HPS3: variants seen among roughly 807,000 people sequenced by gnomAD.
The protein encoded by HPS3 is HPS3 biogenesis of lysosomal organelles complex 2 subunit 1.
A neutral mutation model predicts 110.9 loss-of-function variants in HPS3; 79 were observed. The ratio of observed to expected loss-of-function variants is 0.71; its 90% CI spans 0.59 to 0.86. The LOEUF is 0.86. Ranked by LOEUF, HPS3 falls within the 40% of genes least tolerant of loss-of-function variation. The pLI, the probability that HPS3 is intolerant of heterozygous loss-of-function variation, is 0.00. For missense variants in HPS3, 1,197 were observed against 1,206.2 expected (o/e 0.99, Z 0.11); for synonymous variants, 428 against 451.0 (o/e 0.95, Z 0.65).
At chr3:149,154,671 C>T (rs2108154420) in intron 7 of HPS3, among the ~76,000 whole-genome samples, 1 of 152,284 alleles carries the variant, frequency 6.6e-6, no homozygotes, top group South Asian at 2.1e-4. Context: ...GCAGACTTAA[C>T]AGTTTTATGT....
chr3:149,151,206 T>TTATTATTA (rs576903844), intron 6 of HPS3, among the ~76,000 whole-genome samples: 8 of 140,604 alleles, frequency 5.7e-5, no homozygotes, highest in Non-Finnish European at 8.0e-5. Flanking sequence ...TATTATTATT[T>TTATTATTA]TTTTTTCTGC....
intron 5 of HPS3, among the ~76,000 whole-genome samples, chr3:149,149,120 A>AT (rs777091621): frequency 0.01 from 1,433 of 136,526 alleles, 8 homozygotes; most frequent in African/African-American, 0.021. Context: ...CGCCCAGCTA[A>AT]TTTTTTTTTT....
At chr3:149,166,778 C>T (rs1379907571) in intron 14 of HPS3, among the ~76,000 whole-genome samples, 2 of 152,022 alleles carry the variant, frequency 1.3e-5, no homozygotes, top group Non-Finnish European at 2.9e-5. Flanking sequence ...AATTTGCAGT[C>T]CACACAAAGC....
intron 5 of HPS3, among the ~76,000 whole-genome samples, chr3:149,146,524 G>A (rs1199641115): frequency 6.6e-6 from 1 of 152,200 alleles, no homozygotes; most frequent in African/African-American, 2.4e-5. Flanking sequence ...ACTGTATCAA[G>A]TTTTTAGGAA....
chr3:149,166,511 G>A (rs1724430889), intron 14 of HPS3, among the ~76,000 whole-genome samples: 1 of 152,050 alleles, frequency 6.6e-6, no homozygotes, highest in Non-Finnish European at 1.5e-5. Context: ...ATTTTGTATT[G>A]AAATTTTTTT....
In HPS3 at chr3:149,156,457, C is replaced by T. The variant is rs187309799; in HGVS notation, c.1510-893C>T. ...TTTAACTATGATGTCTCTTTAGCCT[C>T]CTTTGAAGCTGGAATATTTCTATAG... On this transcript the variant is annotated intron_variant, in intron 8 of 16. Transcript: ENST00000296051. Among the ~76,000 whole-genome samples the T allele has an allele frequency of 7.9e-5, 12 of 152,190 alleles. No homozygotes were observed. The East Asian group carries it at 2.3e-3, about 29-fold the overall frequency.
At chr3:149,145,854 GTC>G (rs1306012987) in intron 5 of HPS3, among the ~76,000 whole-genome samples, 1 of 152,162 alleles carries the variant, frequency 6.6e-6, no homozygotes, top group Admixed American at 6.5e-5. Flanking sequence ...CAGTCAGAGC[GTC>G]TCTTTAAGTT....
rs775294702 is a variant in HPS3, at chr3:149,141,388, T to TGACAGTGCAGGAGTGC, written c.970+19_970+34dup. The TGACAGTGCAGGAGTGC allele has an allele frequency of 4.0e-5, 64 of 1,606,746 alleles. No homozygotes were observed. In the East Asian group the frequency reaches 4.0e-4, roughly 10 times the overall value. ...TACCCATTTACCAGACCGGTAAGCA[T>TGACAGTGCAGGAGTGC]GACAGTGCAGGAGTGCGACAGTGCA... On this transcript the variant is annotated intron_variant, in intron 4 of 16. Coordinates refer to ENST00000296051, the MANE Select transcript of HPS3 (RefSeq NM_032383.5).
At chr3:149,155,260 T>C (rs1723378473) in intron 8 of HPS3, 45 bp downstream of exon 8, 1 of 1,045,648 alleles carries the variant, frequency 9.6e-7, no homozygotes, top group African/African-American at 1.6e-5. Flanking sequence ...ATATTTAGAG[T>C]GAAATTAATG....
At chr3:149,168,587 C>A (rs1027194145) in intron 16 of HPS3, 3 of 152,182 alleles carry the variant, frequency 2.0e-5, no homozygotes, top group Non-Finnish European at 4.4e-5. Context: ...TAGAAATTGA[C>A]AGTGTTGAAA....
intron 2 of HPS3, 39 bp downstream of exon 2, chr3:149,140,537 T>C (rs1722378832): frequency 2.5e-6 from 4 of 1,611,404 alleles, no homozygotes; most frequent in African/African-American, 1.3e-5. Context: ...GTTTTAGGAA[T>C]ATAGAAAACC....
intron 7 of HPS3, chr3:149,153,883 A>G (rs1723286081): frequency 1.8e-6 from 1 of 554,640 alleles, no homozygotes; most frequent in Admixed American, 3.3e-5. Flanking sequence ...GTAAAAATCA[A>G]AGGTGTTTTA....
chr3:149,164,035 T>C lies in HPS3; in HGVS notation c.2589+86T>C, dbSNP rs372672854. On this transcript the variant is annotated intron_variant, in intron 14 of 16. Transcript: ENST00000296051. ...ATTTGCTGAGACCCCAGGTGTCCTG[T>C]TAATCTAGAATGTAGAATTTTGAGG... The C allele has an allele frequency of 2.8e-6, 2 of 722,090 alleles. 1 individual carries two copies. Among genetic ancestry groups the C allele is most frequent in the East Asian group, 5.4e-5 (2 of 36,868 alleles). 44.7% of individuals were successfully genotyped at this position (722,090 alleles called of 1,614,324 possible).
chr3:149,140,343 T>C lies in HPS3; in HGVS notation c.557T>C (p.Ile186Thr). Reference sequence around the variant, plus strand: ...TCTTTAATTATACACATAGATAATATCACTCCTGTTGAGGTTTCTTTTTGT... The same window carrying C: ...TCTTTAATTATACACATAGATAATACCACTCCTGTTGAGGTTTCTTTTTGT... ...ERSLIIHIDN[I>T]TPVEVSFCVG... The change falls in exon 2 of 17, where the codon ATC (isoleucine) becomes ACC (threonine). Residue 186 changes from isoleucine (I) to threonine (T), a missense_variant. Coordinates refer to ENST00000296051, the MANE Select transcript of HPS3 (RefSeq NM_032383.5). The C allele has an allele frequency of 6.2e-7, 1 of 1,612,956 alleles. No homozygotes were observed. The highest frequency in any genetic ancestry group is 8.5e-7 in the Non-Finnish European group (1 of 1,179,146).
At chr3:149,146,949 C>T (rs2108140511) in intron 5 of HPS3, among the ~76,000 whole-genome samples, 2 of 152,080 alleles carry the variant, frequency 1.3e-5, no homozygotes, top group East Asian at 3.9e-4. Flanking sequence ...TTAATGGTGG[C>T]TGTTGTGGAA....
chr3:149,129,800 G>C lies in HPS3; in HGVS notation c.77G>C (p.Cys26Ser). 1 of 1,606,504 alleles carries C rather than the reference G, an allele frequency of 6.2e-7. No homozygotes were observed. The highest frequency in any genetic ancestry group is 8.5e-7 in the Non-Finnish European group (1 of 1,178,374). Residue 26 changes from cysteine (C) to serine (S), a missense_variant, in exon 1 of 17, where the codon TGT (cysteine) becomes TCT (serine). Physicochemically the swap from Cys to Ser is moderately radical, Grantham distance 112. Transcript: ENST00000296051. Reference protein sequence around the residue: ...VPCKLEPDRFCGGGRDALFVA... With the variant: ...VPCKLEPDRFSGGGRDALFVA... ...TGCAAGCTGGAGCCGGACCGGTTCTGTGGCGGGGGGCGTGACGCGCTTTTC... is the reference window on the plus strand; with the variant it reads ...TGCAAGCTGGAGCCGGACCGGTTCTCTGGCGGGGGGCGTGACGCGCTTTTC...
chr3:149,162,454 A>G lies in HPS3; in HGVS notation c.2292+121A>G, dbSNP rs763389800. Reference sequence around the variant, plus strand: ...TTTATTGAAAAAACAGACATACATAATCAGTTTATAAGATAAAAGTACTAA... The same window carrying G: ...TTTATTGAAAAAACAGACATACATAGTCAGTTTATAAGATAAAAGTACTAA... On this transcript the variant is annotated intron_variant, in intron 12 of 16. Transcript: ENST00000296051. The G allele has an allele frequency of 1.2e-5, 12 of 966,326 alleles. No individual in the cohort carries two copies. In the South Asian group the frequency reaches 1.5e-4, roughly 12 times the overall value. 59.9% of individuals were successfully genotyped at this position (966,326 alleles called of 1,614,324 possible). A position where few individuals can be genotyped will look rare whatever the true frequency, so the allele number is the denominator to read the frequency against.
At chr3:149,131,136 A>AC (rs879726406) in intron 1 of HPS3, among the ~76,000 whole-genome samples, 1 of 150,292 alleles carries the variant, frequency 6.7e-6, no homozygotes, top group Non-Finnish European at 1.5e-5. Context: ...AAAAAAAAAA[A>AC]AAAACAAAAA....
chr3:149,158,984 C>A, intron 10 of HPS3, 138 bp downstream of exon 10: 1 of 641,836 alleles, frequency 1.6e-6, no homozygotes, highest in Admixed American at 2.9e-5. Flanking sequence ...GTAATGTGAC[C>A]TTTTCTTCAT....
Sources: gnomAD v4.1 joint callset for allele counts (sites outside exome capture counted in the v4.1 genomes callset) on GRCh38, gnomAD v4.1.1 for gene constraint, MANE v1.5 for transcripts, NCBI Gene and HGNC (gene_info 2026-07-23, HGNC 2026-07-21) for gene names.